Variants in KIAA1549L observed in about 807,000 individuals in gnomAD.
KIAA1549L encodes the protein KIAA1549 like.
KIAA1549L carries 88 observed loss-of-function variants against 160.7 expected under a neutral mutation model. The ratio of observed to expected loss-of-function variants is 0.55; its 90% CI spans 0.46 to 0.65. The LOEUF (loss-of-function observed/expected upper bound fraction) is 0.65. Ranked by LOEUF, KIAA1549L falls within the 30% of genes least tolerant of loss-of-function variation. The pLI is 0.00. For missense variants in KIAA1549L, 2,258 were observed against 2,437.5 expected (o/e 0.93, Z 1.55); for synonymous variants, 950 against 976.7 (o/e 0.97, Z 0.51).
intron 1 of KIAA1549L, among the ~76,000 whole-genome samples, chr11:33,381,961 A>G (rs895776840): frequency 6.6e-6 from 1 of 152,320 alleles, no homozygotes; most frequent in Non-Finnish European, 1.5e-5. Context: ...GGGTAAGAAA[A>G]TAAGAGTTCA....
At chr11:33,665,945 A>G (rs1022765550) in intron 20 of KIAA1549L, among the ~76,000 whole-genome samples, 1 of 152,228 alleles carries the variant, frequency 6.6e-6, no homozygotes, top group Non-Finnish European at 1.5e-5. Flanking sequence ...AGCTGCACCC[A>G]GGGAGCTCCA....
intron 1 of KIAA1549L, among the ~76,000 whole-genome samples, chr11:33,503,232 G>A (rs967906218): frequency 1.8e-4 from 28 of 152,160 alleles, no homozygotes; most frequent in African/African-American, 5.6e-4. Context: ...AGCATTATGT[G>A]TGTGAGTTTC....
intron 16 of KIAA1549L, among the ~76,000 whole-genome samples, chr11:33,626,182 G>C (rs1477406091): frequency 1.4e-5 from 2 of 145,662 alleles, no homozygotes; most frequent in African/African-American, 2.6e-5. Context: ...ATAGTTTGAA[G>C]TCAGGTAGTG....
chr11:33,502,341 G>A (rs1204071813), intron 1 of KIAA1549L, among the ~76,000 whole-genome samples: 1 of 152,104 alleles, frequency 6.6e-6, no homozygotes, highest in Non-Finnish European at 1.5e-5. Flanking sequence ...ATGCCAGTTT[G>A]GTTTATGGGA....
intron 1 of KIAA1549L, among the ~76,000 whole-genome samples, chr11:33,450,264 C>A (rs781340804): frequency 6.6e-6 from 1 of 151,970 alleles, no homozygotes; most frequent in Non-Finnish European, 1.5e-5. Context: ...AAGACGTATC[C>A]GTAGAAAACT....
At position 33,609,832 on chromosome 11, in the gene KIAA1549L, C is replaced by T. The variant is rs774781780; in HGVS notation, c.5145C>T (p.Tyr1715=). The change falls in exon 15 of 21, where the codon TAC becomes TAT. Residue 1715 remains tyrosine (Y), a synonymous_variant. Transcript: ENST00000658780. Reference sequence around the variant, plus strand: ...TCAAAGCCAAGAGGAAGGGATATTACGACTTCCCTGCAGTGGAGACGAGCA... The same window carrying T: ...TCAAAGCCAAGAGGAAGGGATATTATGACTTCCCTGCAGTGGAGACGAGCA... ...LRLKAKRKGY[Y]DFPAVETSKG... 22 of 1,613,666 alleles carry T rather than the reference C, an allele frequency of 1.4e-5. No homozygotes were observed. The highest frequency in any genetic ancestry group is 5.0e-5 in the Admixed American group (3 of 59,994).
chr11:33,492,085 T>C (rs1317874678), intron 1 of KIAA1549L, among the ~76,000 whole-genome samples: 1 of 152,114 alleles, frequency 6.6e-6, no homozygotes, highest in Non-Finnish European at 1.5e-5. Context: ...AAAATTTTGC[T>C]GCCAGTTGCG....
intron 13 of KIAA1549L, among the ~76,000 whole-genome samples, chr11:33,605,142 G>A (rs557109033): frequency 6.7e-6 from 1 of 148,242 alleles, no homozygotes; most frequent in South Asian, 2.1e-4. Context: ...CAAGGTGGAA[G>A]TCATGAGTTT....
intron 1 of KIAA1549L, among the ~76,000 whole-genome samples, chr11:33,389,136 C>A (rs756463907): frequency 6.6e-6 from 1 of 152,146 alleles, no homozygotes; most frequent in Non-Finnish European, 1.5e-5. Flanking sequence ...AATGGGGAAG[C>A]CTAGAATACT....
intron 20 of KIAA1549L, chr11:33,665,524 C>T (rs537934571): frequency 6.6e-6 from 1 of 152,574 alleles, no homozygotes; most frequent in East Asian, 1.9e-4. Context: ...GTCTCTCTCT[C>T]TTCTGCCCTG....
chr11:33,418,163 A>G lies in KIAA1549L; in HGVS notation c.238+41274A>G, dbSNP rs75164465. Among the ~76,000 whole-genome samples the G allele has an allele frequency of 5.6e-3, 855 of 152,284 alleles. 10 individuals are homozygous for G. The highest frequency in any genetic ancestry group is 0.02 in the African/African-American group (825 of 41,552). ...TATTGTGTTTATTGTTTGCTTTCTC[A>G]ACTAGAATATCAGACCAATGAGGGC... On this transcript the variant is annotated intron_variant, in intron 1 of 20. Coordinates refer to ENST00000658780, the MANE Select transcript of KIAA1549L (RefSeq NM_012194.3).
chr11:33,627,322 A>T (rs1851144794), intron 16 of KIAA1549L, among the ~76,000 whole-genome samples: 1 of 150,154 alleles, frequency 6.7e-6, no homozygotes. Context: ...GAATAGTTTC[A>T]GAAGGAATGG....
chr11:33,383,604 A>G (rs1254825165), intron 1 of KIAA1549L, among the ~76,000 whole-genome samples: 1 of 152,218 alleles, frequency 6.6e-6, no homozygotes, highest in African/African-American at 2.4e-5. Context: ...TGCTGGGGGT[A>G]TAGTGAGAAC....
chr11:33,483,529 G>C (rs1012124120), intron 1 of KIAA1549L, among the ~76,000 whole-genome samples: 1 of 152,086 alleles, frequency 6.6e-6, no homozygotes, highest in Admixed American at 6.5e-5. Context: ...TGGCAGGCAC[G>C]AGGCAAGGCA....
Position 33,506,713 on chromosome 11 carries a change from TAA to T in KIAA1549L, c.239-35074_239-35073del, listed in dbSNP as rs200555881. ...CCCGGGTGACAGAATAACACCTTGC[TAA>T]AAAAAAAAAAAAAATTGAACAACAA... On this transcript the variant is annotated intron_variant, in intron 1 of 20. Coordinates refer to ENST00000658780, the MANE Select transcript of KIAA1549L (RefSeq NM_012194.3). Among the ~76,000 whole-genome samples the T allele has an allele frequency of 1.7e-3, 189 of 110,540 alleles. 2 individuals carry two copies. The highest frequency in any genetic ancestry group is 6.9e-3 in the African/African-American group (176 of 25,646). The allele number at this position is 110,540 out of a possible 152,430, so 72.5% of individuals were successfully genotyped here.
At chr11:33,413,549 A>C (rs1850826578) in intron 1 of KIAA1549L, among the ~76,000 whole-genome samples, 1 of 152,066 alleles carries the variant, frequency 6.6e-6, no homozygotes, top group Admixed American at 6.6e-5. Context: ...CCCCCTTAAC[A>C]ATCCTAAGTT....
chr11:33,498,158 G>A (rs1193132860), intron 1 of KIAA1549L, among the ~76,000 whole-genome samples: 1 of 152,146 alleles, frequency 6.6e-6, no homozygotes, highest in Non-Finnish European at 1.5e-5. Flanking sequence ...AGCTGGGCGT[G>A]GTGGCATGCA....
At chr11:33,441,386 T>G (rs376345224) in intron 1 of KIAA1549L, among the ~76,000 whole-genome samples, 1 of 151,960 alleles carries the variant, frequency 6.6e-6, no homozygotes, top group East Asian at 1.9e-4. Context: ...AACATATGTG[T>G]GCATGTGTCT....
chr11:33,484,762 C>G (rs1477579329), intron 1 of KIAA1549L, among the ~76,000 whole-genome samples: 1 of 152,156 alleles, frequency 6.6e-6, no homozygotes, highest in African/African-American at 2.4e-5. Context: ...TGTGTCTTCT[C>G]CTTTTTTCAG....
Sources: allele counts gnomAD v4.1 joint callset (sites outside exome capture counted in the v4.1 genomes callset), GRCh38; gene constraint gnomAD v4.1.1; transcripts MANE v1.5; gene names NCBI Gene and HGNC (gene_info 2026-07-23, HGNC 2026-07-21).